Variants in DOCK9 observed in about 807,000 individuals in gnomAD.
DOCK9 encodes dedicator of cytokinesis 9.
Under a neutral mutation model 263.3 loss-of-function variants are expected in DOCK9, and 89 were observed. That is an observed-to-expected ratio of 0.34 (90% CI 0.28 to 0.40). The LOEUF (loss-of-function observed/expected upper bound fraction) is 0.40. DOCK9 is among the 10% of genes least tolerant of loss of function. The pLI, the probability that DOCK9 is intolerant of heterozygous loss-of-function variation, is 1.00. For missense variants in DOCK9, 2,140 were observed against 2,603.4 expected (o/e 0.82, Z 3.87); for synonymous variants, 976 against 973.1 (o/e 1.00, Z -0.06).
chr13:98,936,561 A>G (rs1227271005), intron 2 of DOCK9, among the ~76,000 whole-genome samples: 1 of 151,644 alleles, frequency 6.6e-6, no homozygotes, highest in Non-Finnish European at 1.5e-5. Flanking sequence ...TCGAGGCTGC[A>G]GTGAGCTGTG....
intron 2 of DOCK9, among the ~76,000 whole-genome samples, chr13:98,937,515 C>T (rs113038225): frequency 2.0e-5 from 3 of 152,236 alleles, no homozygotes; most frequent in African/African-American, 4.8e-5. Context: ...AGGTTAAACA[C>T]GTAGCCTTTG....
intron 1 of DOCK9, among the ~76,000 whole-genome samples, chr13:99,021,819 G>A (rs1233646666): frequency 2.0e-5 from 3 of 152,110 alleles, no homozygotes; most frequent in African/African-American, 7.2e-5. Flanking sequence ...TCAAGGGGTG[G>A]GGGACAAGGG....
At chr13:98,923,416 AG>A (rs768893240) in intron 4 of DOCK9, 45 bp from the exon 5 acceptor site, 17 of 1,516,088 alleles carry the variant, frequency 1.1e-5, no homozygotes, top group Non-Finnish European at 6.4e-6. Context: ...TGCCTAGTCA[AG>A]GAAGAGGCTT....
At chr13:99,087,076 G>A (rs948316942), upstream of DOCK9, among the ~76,000 whole-genome samples, 4 of 147,184 alleles carry the variant, frequency 2.7e-5, no homozygotes, top group African/African-American at 5.4e-5. Context: ...GCCTCTGCGG[G>A]GACAGAGGTC....
intron 1 of DOCK9, among the ~76,000 whole-genome samples, chr13:99,070,668 C>G (rs1353705201): frequency 6.6e-6 from 1 of 152,198 alleles, no homozygotes; most frequent in East Asian, 1.9e-4. Flanking sequence ...ATTAAAATGT[C>G]CACTCTCTGG....
chr13:98,832,042 GCTT>G, intron 39 of DOCK9: 1 of 410,634 alleles, frequency 2.4e-6, no homozygotes, highest in Admixed American at 3.9e-5. Context: ...TACTGACTGG[GCTT>G]CTATTTATTA....
chr13:98,905,953 C>T (rs955258713), intron 9 of DOCK9, among the ~76,000 whole-genome samples: 4 of 152,196 alleles, frequency 2.6e-5, no homozygotes, highest in African/African-American at 9.7e-5. Flanking sequence ...TGGGTTATCA[C>T]ACCAGCCTCC....
intron 34 of DOCK9, 41 bp downstream of exon 34, chr13:98,855,857 T>C (rs1344329874): frequency 1.9e-6 from 3 of 1,608,524 alleles, no homozygotes; most frequent in Admixed American, 1.7e-5. Flanking sequence ...GCTAAATCCA[T>C]TGATTATAAG....
chr13:99,010,466 T>C (rs1884278844), intron 1 of DOCK9, among the ~76,000 whole-genome samples: 1 of 152,234 alleles, frequency 6.6e-6, no homozygotes, highest in Non-Finnish European at 1.5e-5. Flanking sequence ...AGGCAGTACC[T>C]GCGTGTCCCA....
intron 22 of DOCK9, 98 bp from the exon 23 acceptor site, chr13:98,883,229 T>C (rs572638750): frequency 3.7e-6 from 3 of 815,882 alleles, no homozygotes; most frequent in East Asian, 2.9e-5. Context: ...TTTTGCTGTA[T>C]GTTGTTGTTG....
intron 9 of DOCK9, among the ~76,000 whole-genome samples, chr13:98,906,414 G>A (rs755120901): frequency 5.5e-4 from 83 of 152,160 alleles, no homozygotes; most frequent in Non-Finnish European, 6.9e-4. Context: ...CAAGATAGAA[G>A]TCATCTCCAT....
At chr13:98,850,914 A>C (rs1437528014) in intron 35 of DOCK9, among the ~76,000 whole-genome samples, 1 of 152,196 alleles carries the variant, frequency 6.6e-6, no homozygotes, top group East Asian at 1.9e-4. Context: ...AGAAATAGGT[A>C]AAGAGGTTTC....
chr13:98,953,012 C>T (rs529981551), intron 2 of DOCK9, among the ~76,000 whole-genome samples: 63 of 152,226 alleles, frequency 4.1e-4, no homozygotes, highest in African/African-American at 1.3e-3. Flanking sequence ...CTTATTCTGC[C>T]TAAGAAAACA....
intron 38 of DOCK9, among the ~76,000 whole-genome samples, chr13:98,842,904 G>T (rs2093271657): frequency 6.6e-6 from 1 of 152,168 alleles, no homozygotes; most frequent in East Asian, 1.9e-4. Flanking sequence ...CACGGGATTT[G>T]GGCATGGGGA....
chr13:98,798,640 T>C (rs2089735716), intron 50 of DOCK9, among the ~76,000 whole-genome samples: 1 of 152,058 alleles, frequency 6.6e-6, no homozygotes, highest in Non-Finnish European at 1.5e-5. Context: ...GATCTTGGAG[T>C]GCAATGACAA....
chr13:98,973,295 T>C (rs142725401), intron 1 of DOCK9, among the ~76,000 whole-genome samples: 9 of 152,316 alleles, frequency 5.9e-5, no homozygotes, highest in Admixed American at 5.2e-4. Context: ...CATAAGCTTA[T>C]ACCTCACTTA....
chr13:99,033,693 C>T (rs1381123213), intron 1 of DOCK9, among the ~76,000 whole-genome samples: 1 of 152,200 alleles, frequency 6.6e-6, no homozygotes. Flanking sequence ...AGTGAGGACA[C>T]TGAGGCTTAA....
At chr13:98,808,546 C>A in intron 47 of DOCK9, 3 of 831,964 alleles carry the variant, frequency 3.6e-6, no homozygotes, top group South Asian at 1.6e-5. Flanking sequence ...AAAATGCAAG[C>A]TAGCATGAAA....
intron 1 of DOCK9, among the ~76,000 whole-genome samples, chr13:99,050,088 G>C (rs2040615652): frequency 6.6e-6 from 1 of 152,316 alleles, no homozygotes; most frequent in South Asian, 2.1e-4. Flanking sequence ...CAACATGTAA[G>C]ATGACACCTG....
Sources: allele counts gnomAD v4.1 joint callset (sites outside exome capture counted in the v4.1 genomes callset), GRCh38; gene constraint gnomAD v4.1.1; transcripts MANE v1.5; gene names NCBI Gene and HGNC (gene_info 2026-07-23, HGNC 2026-07-21).